Variants in ABCB7 observed in about 807,000 individuals in gnomAD.
ABCB7 encodes the protein iron-sulfur clusters transporter ABCB7, mitochondrial.
Under a neutral mutation model 54.4 loss-of-function variants are expected in ABCB7, and 7 were observed. The ratio of observed to expected loss-of-function variants is 0.13; its 90% confidence interval spans 0.07 to 0.24. The LOEUF (loss-of-function observed/expected upper bound fraction) is 0.24. ABCB7 is among the 10% of genes least tolerant of loss of function. ABCB7 has a pLI of 1.00. For synonymous variants in ABCB7, 218 were observed against 207.1 expected (o/e 1.05, Z -0.45); for missense variants, 356 against 570.4 (o/e 0.62, Z 3.83).
chrX:75,070,168 G>A (rs1003139476), intron 10 of ABCB7, among the ~76,000 whole-genome samples, 197 bp downstream of exon 10: 11 of 111,164 alleles, frequency 9.9e-5, no homozygotes, highest in African/African-American at 3.3e-4. Flanking sequence ...GCCACCATGC[G>A]TGGCCAGGTT....
At chrX:75,062,304 C>G (rs1339203971) in intron 14 of ABCB7, 24 bp downstream of exon 14, 1 of 1,153,961 alleles carries the variant, frequency 8.7e-7, no homozygotes, top group Admixed American at 2.2e-5. Context: ...CATTGAAGAG[C>G]TTTATATTTT....
chrX:75,081,387 A>T (rs1357104477), intron 4 of ABCB7, among the ~76,000 whole-genome samples: 1 of 111,791 alleles, frequency 8.9e-6, no homozygotes, highest in Non-Finnish European at 1.9e-5. Context: ...TGAAAAATAC[A>T]GAACTGAAAA....
In ABCB7 at chrX:75,141,643, T is replaced by C. The variant is rs146268731; in HGVS notation, c.168+14462A>G. Among the ~76,000 whole-genome samples, 156 of 111,975 alleles carry C rather than the reference T, an allele frequency of 1.4e-3. 1 individual carries two copies. In the East Asian group the frequency reaches 0.037, roughly 27 times the overall value. ...CAAATAACACAGTAAAGAGTATCTG[T>C]ATATTAACTTATAAACATTTGTGCA... On this transcript the variant is annotated intron_variant, in intron 1 of 15. Coordinates refer to ENST00000373394, the MANE Select transcript of ABCB7 (RefSeq NM_001271696.3).
chrX:75,128,780 G>C (rs1451775117), intron 1 of ABCB7, among the ~76,000 whole-genome samples: 1 of 112,035 alleles, frequency 8.9e-6, no homozygotes, highest in Non-Finnish European at 1.9e-5. Context: ...CAAAAAGTGA[G>C]CGAAGGATAT....
At chrX:75,098,876 A>T in intron 4 of ABCB7, 66 bp downstream of exon 4, 2 of 1,196,515 alleles carry the variant, frequency 1.7e-6, no homozygotes, top group Non-Finnish European at 2.3e-6. Flanking sequence ...CACCAGGCCC[A>T]GGATTCATAA....
chrX:75,053,890 T>C (rs1268819378), intron 15 of ABCB7, among the ~76,000 whole-genome samples: 1 of 112,019 alleles, frequency 8.9e-6, no homozygotes, highest in Non-Finnish European at 1.9e-5. Flanking sequence ...AAAGGGAAGG[T>C]TAAAATGTAA....
chrX:75,082,492 G>A (rs147791667), intron 4 of ABCB7, among the ~76,000 whole-genome samples: 2 of 111,785 alleles, frequency 1.8e-5, no homozygotes, highest in African/African-American at 6.5e-5. Flanking sequence ...GGAATATCAG[G>A]AATGAAGGAA....
chrX:75,145,731 G>A (rs928622834), intron 1 of ABCB7, among the ~76,000 whole-genome samples: 2 of 111,263 alleles, frequency 1.8e-5, no homozygotes, highest in African/African-American at 6.5e-5. Flanking sequence ...TGGAAGTTCT[G>A]GCCAGGGCAA....
chrX:75,071,702 T>A lies in ABCB7; in HGVS notation c.1033-19A>T. ...TAAAATACTACAAAATATATAAAAA[T>A]AACTATAGGCAAGTATAATTAGAAT... On this transcript the variant is annotated intron_variant, in intron 8 of 15. Coordinates refer to ENST00000373394, the MANE Select transcript of ABCB7 (RefSeq NM_001271696.3). 1 of 1,039,372 alleles carries A rather than the reference T, an allele frequency of 9.6e-7. No individual in the cohort carries two copies. Among genetic ancestry groups the A allele is most frequent in the Non-Finnish European group, 1.3e-6 (1 of 756,505 alleles). 85.7% of individuals were successfully genotyped at this position (1,039,372 alleles called of 1,213,427 possible).
intron 4 of ABCB7, among the ~76,000 whole-genome samples, chrX:75,093,165 A>G (rs139412818): frequency 0.029 from 3,200 of 111,999 alleles, 116 homozygotes; most frequent in African/African-American, 0.099. Context: ...GGAAACCAAG[A>G]TGTCTTTCAA....
chrX:75,061,536 C>A (rs2081282061), intron 14 of ABCB7, among the ~76,000 whole-genome samples: 1 of 111,483 alleles, frequency 9.0e-6, no homozygotes, highest in African/African-American at 3.3e-5. Flanking sequence ...ACAATGGGCC[C>A]TGAAACTTAA....
intron 1 of ABCB7, among the ~76,000 whole-genome samples, chrX:75,137,183 G>A (rs764847894): frequency 9.0e-6 from 1 of 111,700 alleles, no homozygotes; most frequent in East Asian, 2.8e-4. Context: ...AAACCAACAA[G>A]CATAAACCAA....
rs777796124 is a variant in ABCB7, at chrX:75,139,838, A to G, written c.168+16267T>C. ...CTGTAAGTGTATAATCATACAGGCTAGTACAAAAGTTCTGCGTATTTTAAT... is the reference window on the plus strand; with the variant it reads ...CTGTAAGTGTATAATCATACAGGCTGGTACAAAAGTTCTGCGTATTTTAAT... On this transcript the variant is annotated intron_variant, in intron 1 of 15. Coordinates refer to ENST00000373394, the MANE Select transcript of ABCB7 (RefSeq NM_001271696.3). 3.6e-5 allele frequency among the ~76,000 whole-genome samples: 4 copies of G among 111,991 alleles called. No individual in the cohort carries two copies. In the East Asian group the frequency reaches 1.1e-3, roughly 31 times the overall value.
intron 1 of ABCB7, among the ~76,000 whole-genome samples, chrX:75,135,668 T>C (rs763062485): frequency 7.2e-5 from 8 of 111,383 alleles, no homozygotes; most frequent in African/African-American, 2.6e-4. Flanking sequence ...GTAAGTTTGG[T>C]TCAACATATA....
At chrX:75,114,868 A>G (rs778746634) in intron 1 of ABCB7, 37 bp from the exon 2 acceptor site, 1 of 1,021,387 alleles carries the variant, frequency 9.8e-7, no homozygotes, top group East Asian at 3.2e-5. Flanking sequence ...GAAGTTTCAG[A>G]GTGGACACTT....
intron 1 of ABCB7, among the ~76,000 whole-genome samples, chrX:75,116,337 C>T (rs2081820079): frequency 2.0e-5 from 2 of 102,170 alleles, no homozygotes; most frequent in Non-Finnish European, 2.0e-5. Flanking sequence ...TGTATAAACA[C>T]AAGCTATAAC....
chrX:75,123,059 G>C (rs1321955756), intron 1 of ABCB7, among the ~76,000 whole-genome samples: 1 of 110,745 alleles, frequency 9.0e-6, no homozygotes, highest in Non-Finnish European at 1.9e-5. Context: ...GTTTATTTTT[G>C]CTTCCACTGA....
intron 2 of ABCB7, among the ~76,000 whole-genome samples, chrX:75,113,691 A>T (rs942788866): frequency 8.9e-6 from 1 of 111,803 alleles, no homozygotes; most frequent in Non-Finnish European, 1.9e-5. Flanking sequence ...TTAATGAACA[A>T]GGGCACAGTT....
At chrX:75,122,697 T>C (rs1438974807) in intron 1 of ABCB7, among the ~76,000 whole-genome samples, 1 of 112,503 alleles carries the variant, frequency 8.9e-6, no homozygotes, top group Non-Finnish European at 1.9e-5. Context: ...TCTTATCTTT[T>C]TGGCAATAGC....
Sources: gnomAD v4.1 joint callset for allele counts (sites outside exome capture counted in the v4.1 genomes callset) on GRCh38, gnomAD v4.1.1 for gene constraint, MANE v1.5 for transcripts, NCBI Gene and HGNC (gene_info 2026-07-23, HGNC 2026-07-21) for gene names.